NAP1L4: variants seen among roughly 807,000 people sequenced by gnomAD.
NAP1L4 encodes the protein nucleosome assembly protein 1-like 4.
A neutral mutation model predicts 58.2 loss-of-function variants in NAP1L4; 15 were observed. The ratio of observed to expected loss-of-function variants is 0.26; its 90% confidence interval spans 0.17 to 0.40. The LOEUF (loss-of-function observed/expected upper bound fraction) is 0.40. Ranked by LOEUF, NAP1L4 falls within the 10% of genes least tolerant of loss-of-function variation. The probability of loss-of-function intolerance (pLI) is 1.00; values close to 1 mark genes in which losing one functional copy is unlikely to be tolerated. For missense variants in NAP1L4, 384 were observed against 451.1 expected (o/e 0.85, Z 1.35); for synonymous variants, 171 against 155.6 (o/e 1.10, Z -0.74).
intron 8 of NAP1L4, chr11:2,960,153 C>T: frequency 2.3e-6 from 1 of 427,378 alleles, no homozygotes; most frequent in South Asian, 3.2e-5. Flanking sequence ...AATGCCTCCT[C>T]ACCAATAGGC....
At chr11:2,956,932 ATG>A (rs1394632784) in intron 10 of NAP1L4, among the ~76,000 whole-genome samples, 1 of 152,184 alleles carries the variant, frequency 6.6e-6, no homozygotes, top group African/African-American at 2.4e-5. Flanking sequence ...ATTTGGTATT[ATG>A]TGTTTGATTA....
chr11:2,982,290 C>A (rs375814434), intron 1 of NAP1L4, among the ~76,000 whole-genome samples: 1 of 152,190 alleles, frequency 6.6e-6, no homozygotes, highest in East Asian at 1.9e-4. Context: ...AATTTGGCTA[C>A]TTAATTGAAG....
Position 2,955,639 on chromosome 11 carries a change from G to T in NAP1L4, c.915+105C>A. The stretch of plus-strand genomic sequence containing the variant: ...AGCATTAAGATCACTGGCATACCCA[G>T]TCCACACACAGCCAGGACTGGACTT... On this transcript the variant is annotated intron_variant, in intron 11 of 15. Transcript: ENST00000380542. The surrounding 1 kb of genome is among the most constrained non-coding windows in gnomAD (Gnocchi z 4.2). 1 of 1,137,660 alleles carries T rather than the reference G, an allele frequency of 8.8e-7. No individual in the cohort carries two copies. The highest frequency in any genetic ancestry group is 1.3e-6 in the Non-Finnish European group (1 of 769,294). 70.5% of individuals were successfully genotyped at this position (1,137,660 alleles called of 1,614,324 possible). A position where few individuals can be genotyped will look rare whatever the true frequency, so the allele number is the denominator to read the frequency against.
At chr11:2,980,435 C>T (rs1848235645) in intron 1 of NAP1L4, among the ~76,000 whole-genome samples, 1 of 152,202 alleles carries the variant, frequency 6.6e-6, no homozygotes, top group Non-Finnish European at 1.5e-5. Context: ...ATCCTCCCAC[C>T]TCAGCCTACC....
chr11:2,958,633 C>A, intron 9 of NAP1L4, 89 bp from the exon 10 acceptor site: 3 of 1,366,516 alleles, frequency 2.2e-6, no homozygotes, highest in South Asian at 2.7e-5. Flanking sequence ...CAGCTCTATG[C>A]CAAACCTGGA....
rs1483675747 is a variant in NAP1L4, at chr11:2,946,290, C to T, written c.*33-644G>A. On this transcript the variant is annotated intron_variant, in intron 15 of 15. Transcript: ENST00000380542. The surrounding 1 kb of genome is among the most constrained non-coding windows in gnomAD (Gnocchi z 4.8). ...CTCTCCTAACAGTCTCACCAAGGGG[C>T]AATGCTATCCTTCCAGTAACGGCAT... Among the ~76,000 whole-genome samples, 1 of 152,186 alleles carries T rather than the reference C, an allele frequency of 6.6e-6. No individual in the cohort carries two copies. Among genetic ancestry groups the T allele is most frequent in the Non-Finnish European group, 1.5e-5 (1 of 68,046 alleles).
intron 3 of NAP1L4, among the ~76,000 whole-genome samples, chr11:2,977,437 C>T (rs143414054): frequency 6.6e-6 from 1 of 152,290 alleles, no homozygotes; most frequent in African/African-American, 2.4e-5. Flanking sequence ...CAGGAAGAAA[C>T]GACTGGGCAA....
At position 2,968,680 on chromosome 11, in the gene NAP1L4, C is replaced by T. The variant is rs112572768; in HGVS notation, c.534+1123G>A. ...CAAATTACAATGTAGCAGTTTGCAA[C>T]GCACAGTGCCTATGCTCTGTGATGG... On this transcript the variant is annotated intron_variant, in intron 7 of 15. Coordinates refer to ENST00000380542, the MANE Select transcript of NAP1L4 (RefSeq NM_005969.4). Among the ~76,000 whole-genome samples the T allele has an allele frequency of 3.9e-3, 593 of 152,288 alleles. 5 individuals carry two copies. Among genetic ancestry groups the T allele is most frequent in the African/African-American group, 0.014 (566 of 41,560 alleles).
Position 2,971,604 on chromosome 11 carries a change from AAAT to A in NAP1L4, c.316-73_316-71del. On this transcript the variant is annotated intron_variant, in intron 5 of 15. Transcript: ENST00000380542. The surrounding 1 kb of genome is among the most constrained non-coding windows in gnomAD (Gnocchi z 4.2). The stretch of plus-strand genomic sequence containing the variant: ...TTAGGAACTCAAGAGTTAAATTTAT[AAAT>A]AATGTCTACTAAAAGACTTTGAAAA... The A allele has an allele frequency of 1.6e-6, 2 of 1,229,572 alleles. No individual in the cohort carries two copies. The highest frequency in any genetic ancestry group is 2.3e-6 in the Non-Finnish European group (2 of 862,450). 76.2% of individuals were successfully genotyped at this position (1,229,572 alleles called of 1,614,324 possible). A position where few individuals can be genotyped will look rare whatever the true frequency, so the allele number is the denominator to read the frequency against.
intron 7 of NAP1L4, 102 bp from the exon 8 acceptor site, chr11:2,964,853 G>A (rs1847166806): frequency 1.2e-6 from 1 of 809,210 alleles, no homozygotes; most frequent in African/African-American, 1.7e-5. Flanking sequence ...TGCATAACTA[G>A]CCCTATTGGA....
At chr11:2,984,956 G>C (rs1342029523) in intron 1 of NAP1L4, among the ~76,000 whole-genome samples, 1 of 152,224 alleles carries the variant, frequency 6.6e-6, no homozygotes, top group East Asian at 1.9e-4. Flanking sequence ...AAGTGTTTCA[G>C]ATTTTAGAAT....
intron 3 of NAP1L4, 148 bp from the exon 4 acceptor site, chr11:2,976,271 G>T: frequency 3.4e-6 from 2 of 589,742 alleles, no homozygotes; most frequent in Non-Finnish European, 5.9e-6. Flanking sequence ...TCTTAAACAT[G>T]TTTTGAAAAT....
In NAP1L4 at chr11:2,972,256, G is replaced by A. The variant is rs371087618; in HGVS notation, c.174-13C>T. On this transcript the variant is annotated splice_polypyrimidine_tract_variant and intron_variant, in intron 4 of 15. Transcript: ENST00000380542. ...TGCTTTAGGTAAACTAAAAAAGGGA[G>A]TAAGAAATACAACATCCTCATGCCT... 6.3e-7 allele frequency: 1 copy of A among 1,591,018 alleles called. No homozygotes were observed. Among genetic ancestry groups the A allele is most frequent in the Admixed American group, 1.9e-5 (1 of 53,938 alleles).
chr11:2,991,255 T>A (rs1848948084), intron 1 of NAP1L4: 1 of 417,350 alleles, frequency 2.4e-6, no homozygotes, highest in Non-Finnish European at 5.0e-6. Flanking sequence ...CTTAGAGAAC[T>A]GTGGACGGTG....
intron 7 of NAP1L4, among the ~76,000 whole-genome samples, chr11:2,966,253 A>T (rs1847272348): frequency 6.6e-6 from 1 of 152,210 alleles, no homozygotes; most frequent in African/African-American, 2.4e-5. Flanking sequence ...AATGTGTAAT[A>T]AATCAGGACC....
Position 2,978,490 on chromosome 11 carries a change from T to C in NAP1L4, c.15-148A>G, listed in dbSNP as rs1848102193. On this transcript the variant is annotated intron_variant, in intron 2 of 15. Coordinates refer to ENST00000380542, the MANE Select transcript of NAP1L4 (RefSeq NM_005969.4). Reference sequence around the variant, plus strand: ...AGAAGAAAACTACCAATGTGCATGTTATCTCAGAGGCTGTCCTCTCTGCTA... The same window carrying C: ...AGAAGAAAACTACCAATGTGCATGTCATCTCAGAGGCTGTCCTCTCTGCTA... 17 of 646,118 alleles carry C rather than the reference T, an allele frequency of 2.6e-5. No homozygotes were observed. The South Asian group carries it at 3.3e-4, about 12-fold the overall frequency. 40.0% of individuals were successfully genotyped at this position (646,118 alleles called of 1,614,324 possible). A position where few individuals can be genotyped will look rare whatever the true frequency, so the allele number is the denominator to read the frequency against.
At chr11:2,986,436 G>C (rs930103465) in intron 1 of NAP1L4, among the ~76,000 whole-genome samples, 23 of 151,610 alleles carry the variant, frequency 1.5e-4, no homozygotes, top group African/African-American at 5.3e-4. Context: ...GACAAAGCTA[G>C]AGAGTGTAGT....
At chr11:2,953,236 G>C (rs1430493849) in intron 12 of NAP1L4, among the ~76,000 whole-genome samples, 1 of 152,242 alleles carries the variant, frequency 6.6e-6, no homozygotes, top group Non-Finnish European at 1.5e-5. Flanking sequence ...GTGGCACAGT[G>C]CTCACCAGCA....
At chr11:2,987,539 TGAGGTCA>T (rs1228602904) in intron 1 of NAP1L4, among the ~76,000 whole-genome samples, 3 of 151,170 alleles carry the variant, frequency 2.0e-5, no homozygotes, top group Non-Finnish European at 4.4e-5. Context: ...GCAGACCACC[TGAGGTCA>T]GGAGTTCGAG....
Sources: gnomAD v4.1 joint callset for allele counts (sites outside exome capture counted in the v4.1 genomes callset) on GRCh38, gnomAD v4.1.1 for gene constraint, Gnocchi (gnomAD v3.1) non-coding constraint, MANE v1.5 for transcripts, NCBI Gene and HGNC (gene_info 2026-07-23, HGNC 2026-07-21) for gene names.